RNF103: variants seen among roughly 807,000 people sequenced by gnomAD.
The protein encoded by RNF103 is E3 ubiquitin-protein ligase RNF103.
RNF103 carries 23 observed loss-of-function variants against 66.2 expected under a neutral mutation model. The ratio of observed to expected loss-of-function variants is 0.35; its 90% CI spans 0.25 to 0.49. The LOEUF (loss-of-function observed/expected upper bound fraction) is 0.49. Among genes scored for constraint, RNF103 ranks in the 20% least tolerant of loss-of-function variants. The pLI is 0.98. For synonymous variants in RNF103, 297 were observed against 289.9 expected (o/e 1.02, Z -0.25); for missense variants, 730 against 814.7 (o/e 0.90, Z 1.27).
Position 86,622,866 on chromosome 2 carries a change from G to C in RNF103, c.21C>G (p.Phe7Leu), listed in dbSNP as rs1414848941. 6.2e-7 allele frequency: 1 copy of C among 1,609,514 alleles called. No homozygotes were observed. Among genetic ancestry groups the C allele is most frequent in the Non-Finnish European group, 8.5e-7 (1 of 1,178,028 alleles). Residue 7 changes from phenylalanine to leucine, a missense_variant, in exon 1 of 4, where the codon TTC becomes TTG. Phe to Leu is a conservative substitution (Grantham distance 22). This residue lies in a region of RNF103 where 327 missense variants were observed against 369.8 expected (regional missense o/e 0.88). Coordinates refer to ENST00000237455, the MANE Select transcript of RNF103 (RefSeq NM_005667.4). Reference sequence around the variant, plus strand: ...ACAGGACCAGGAAATAGAGGAGCAAGAAAAAAAGCTTCAGCCACATCTTCC... The same window carrying C: ...ACAGGACCAGGAAATAGAGGAGCAACAAAAAAAGCTTCAGCCACATCTTCC... The part of the protein sequence containing the change: MWLKLF[F>L]LLLYFLVLFV...
intron 2 of RNF103, chr2:86,616,452 T>C (rs1317995015): frequency 2.1e-6 from 2 of 934,580 alleles, no homozygotes; most frequent in Admixed American, 1.2e-4. Context: ...TTTTTTTGTA[T>C]TCTTACATAG....
chr2:86,623,784 AC>A lies in RNF103; in HGVS notation c.-899del. The A allele has an allele frequency of 1.6e-6, 2 of 1,279,338 alleles. No individual in the cohort carries two copies. The highest frequency in any genetic ancestry group is 2.0e-6 in the Non-Finnish European group (2 of 985,398). 79.2% of individuals were successfully genotyped at this position (1,279,338 alleles called of 1,614,324 possible). A position where few individuals can be genotyped will look rare whatever the true frequency, so the allele number is the denominator to read the frequency against. ...GCCGGTCGCAGCACCCGTCCCCAAC[AC>A]CCCCGCCACCTCCGGAGACCGCGGC... On this transcript the variant is annotated 5_prime_UTR_variant, in exon 1 of 4. The change creates a premature stop within an existing upstream ORF in the 5' untranslated region. Transcript: ENST00000237455.
chr2:86,620,252 C>T, intron 2 of RNF103, 78 bp downstream of exon 2: 14 of 1,414,822 alleles, frequency 9.9e-6, no homozygotes, highest in Non-Finnish European at 1.2e-5. Flanking sequence ...GGAAGTGTCA[C>T]TGGCTGGTAC....
Position 86,620,446 on chromosome 2 carries a change from AG to A in RNF103, c.249del (p.Tyr84IlefsTer41). On this transcript the variant is annotated frameshift_variant, in exon 2 of 4. Transcript: ENST00000237455. LOFTEE classifies it high-confidence loss of function. The part of the protein sequence containing the change: ...EKSGDLMEGE[L>X]YSALKEEEAS... ...GCTTCTTCTTCCTTGAGAGCAGAAT[AG>A]AGCTCACCCTCCATCAAGTCACCTG... is the stretch of plus-strand genomic sequence containing the variant. 6.3e-7 allele frequency: 1 copy of A among 1,596,772 alleles called. No homozygotes were observed. Among genetic ancestry groups the A allele is most frequent in the Non-Finnish European group, 8.6e-7 (1 of 1,167,768 alleles).
At chr2:86,613,213 T>C (rs572411104) in intron 2 of RNF103, 97 of 152,336 alleles carry the variant, frequency 6.4e-4, no homozygotes, top group African/African-American at 2.3e-3. Context: ...TGAGTAGAGG[T>C]TGCACCACTG....
At position 86,604,233 on chromosome 2, in the gene RNF103, A is replaced by C. The variant is rs2104195136; in HGVS notation, c.1668T>G (p.Asp556Glu). The C allele has an allele frequency of 6.2e-7, 1 of 1,614,146 alleles. No individual in the cohort carries two copies. The highest frequency in any genetic ancestry group is 8.5e-7 in the Non-Finnish European group (1 of 1,180,042). Reference sequence around the variant, plus strand: ...GAGAATTGTGAAGTACGCTTTGCTTATCTTCAAATACTTCCTTCTCACTAC... The same window carrying C: ...GAGAATTGTGAAGTACGCTTTGCTTCTCTTCAAATACTTCCTTCTCACTAC... ...TLSSEKEVFE[D>E]KQSVLHNSPG... The change falls in exon 4 of 4, where the codon GAT becomes GAG. Residue 556 changes from aspartate (D) to glutamate (E), a missense_variant. By Grantham distance (45) the Asp-to-Glu change is conservative (BLOSUM62 2). Around this residue, in one of 3 missense-constraint regions of RNF103, gnomAD observed 355 missense variants for 351.9 expected, o/e 1.01. Coordinates refer to ENST00000237455, the MANE Select transcript of RNF103 (RefSeq NM_005667.4).
At position 86,612,212 on chromosome 2, in the gene RNF103, C is replaced by T; in HGVS notation, c.429G>A (p.Lys143=). The change falls in exon 3 of 4, where the codon AAG becomes AAA. Residue 143 remains lysine, a synonymous_variant. Coordinates refer to ENST00000237455, the MANE Select transcript of RNF103 (RefSeq NM_005667.4). Reference sequence around the variant, plus strand: ...CTGTACGTATTCCAAATCTTGACACCTTTTTAACCATTTTCTCCCAGTGAA... The same window carrying T: ...CTGTACGTATTCCAAATCTTGACACTTTTTTAACCATTTTCTCCCAGTGAA... ...GKIHWEKMVK[K]VSRFGIRTGT... 1 of 1,613,744 alleles carries T rather than the reference C, an allele frequency of 6.2e-7. No homozygotes were observed.
Position 86,604,311 on chromosome 2 carries a change from C to T in RNF103, c.1590G>A (p.Glu530=). Residue 530 remains glutamate, a synonymous_variant, in exon 4 of 4, where the codon GAG becomes GAA. Coordinates refer to ENST00000237455, the MANE Select transcript of RNF103 (RefSeq NM_005667.4). ...LGVQSEEEMS[E]GSQDTENDSE... ...AGTCATTTTCAGTATCTTGAGACCC[C>T]TCCGACATTTCCTCTTCAGACTGGA... 1 of 1,614,204 alleles carries T rather than the reference C, an allele frequency of 6.2e-7. No individual in the cohort carries two copies. The highest frequency in any genetic ancestry group is 8.5e-7 in the Non-Finnish European group (1 of 1,180,038).
Position 86,612,169 on chromosome 2 carries a change from T to C in RNF103, c.472A>G (p.Ser158Gly), listed in dbSNP as rs759273431. 1 of 1,608,308 alleles carries C rather than the reference T, an allele frequency of 6.2e-7. No individual in the cohort carries two copies. Among genetic ancestry groups the C allele is most frequent in the South Asian group, 1.1e-5 (1 of 89,534 alleles). ...GCCTAATCAACTTACCTGGGATCAC[T>C]GGAACAGTTAAATGTGCCTGTACGT... The part of the protein sequence containing the change: ...GIRTGTFNCS[S>G]DPRYCRRRGW... The change falls in exon 3 of 4, where the codon AGT becomes GGT. Residue 158 changes from serine (S) to glycine (G), a missense_variant. Ser to Gly is a moderately conservative substitution (Grantham distance 56). Around this residue, in one of 3 missense-constraint regions of RNF103, gnomAD observed 327 missense variants for 369.8 expected, o/e 0.88. Transcript: ENST00000237455.
chr2:86,618,587 T>C (rs1030005956), intron 2 of RNF103: 1 of 152,272 alleles, frequency 6.6e-6, no homozygotes, highest in Non-Finnish European at 1.5e-5. Flanking sequence ...GGCAGCAGCC[T>C]ATATAGCAAA....
chr2:86,605,392 C>T lies in RNF103; in HGVS notation c.509G>A (p.Arg170Gln), dbSNP rs1236096430. ...TGGAACAGACATAATGAGTGTGGAT[C>T]GGACCCAGCCTCTTCTCCTGCAATA... is the stretch of plus-strand genomic sequence containing the variant. ...PRYCRRRGWV[R>Q]STLIMSVPQT... Residue 170 changes from arginine to glutamine, a missense_variant, in exon 4 of 4, where the codon CGA (arginine) becomes CAA (glutamine). Around this residue, in one of 3 missense-constraint regions of RNF103, gnomAD observed 327 missense variants for 369.8 expected, o/e 0.88. Coordinates refer to ENST00000237455, the MANE Select transcript of RNF103 (RefSeq NM_005667.4). 14 of 1,610,832 alleles carry T rather than the reference C, an allele frequency of 8.7e-6. No homozygotes were observed. The highest frequency in any genetic ancestry group is 4.5e-5 in the East Asian group (2 of 44,858).
chr2:86,623,376 G>A lies in RNF103; in HGVS notation c.-490C>T. 3.1e-6 allele frequency: 3 copies of A among 980,486 alleles called. No individual in the cohort carries two copies. Among genetic ancestry groups the A allele is most frequent in the Non-Finnish European group, 3.6e-6 (3 of 826,630 alleles). 60.7% of individuals were successfully genotyped at this position (980,486 alleles called of 1,614,324 possible). A position where few individuals can be genotyped will look rare whatever the true frequency, so the allele number is the denominator to read the frequency against. ...CAGGCCGGGGCCCGAGGGGCCGTGG[G>A]GGCCGGACTCCCGCGGCCGCGGGTC... On this transcript the variant is annotated 5_prime_UTR_variant, in exon 1 of 4. Transcript: ENST00000237455.
chr2:86,621,082 G>A (rs1039997702), intron 1 of RNF103, among the ~76,000 whole-genome samples: 2 of 152,116 alleles, frequency 1.3e-5, no homozygotes, highest in East Asian at 1.9e-4. Context: ...TTTAACTTTC[G>A]CCTTAAATAT....
chr2:86,617,124 C>T lies in RNF103; in HGVS notation c.366+3206G>A, dbSNP rs987674298. ...CATAGTGTGTCATTGGTAAAGATGT[C>T]ATATGTATGTTGCTACCTTGAAAAC... is the stretch of plus-strand genomic sequence containing the variant. On this transcript the variant is annotated intron_variant, in intron 2 of 3. Coordinates refer to ENST00000237455, the MANE Select transcript of RNF103 (RefSeq NM_005667.4). 10 of 984,936 alleles carry T rather than the reference C, an allele frequency of 1.0e-5. No individual in the cohort carries two copies. In the East Asian group the frequency reaches 3.4e-4, roughly 33 times the overall value. 61.0% of individuals were successfully genotyped at this position (984,936 alleles called of 1,614,324 possible). A position where few individuals can be genotyped will look rare whatever the true frequency, so the allele number is the denominator to read the frequency against.
rs887562546 is a variant in RNF103, at chr2:86,622,689, C to G, written c.198G>C (p.Lys66Asn). 9.9e-6 allele frequency: 16 copies of G among 1,614,028 alleles called. No individual in the cohort carries two copies. The Admixed American group carries it at 1.7e-4, about 17-fold the overall frequency. ...GLGYSGLPEK[K>N]DVRELVEKSG... ...ACTTTTCCACCAGCTCCCGGACATC[C>G]TTCTTCTCGGGCAACCCTGAGTAGC... The change falls in exon 1 of 4, where the codon AAG becomes AAC. Residue 66 changes from lysine (K) to asparagine (N), a missense_variant. Transcript: ENST00000237455.
chr2:86,622,716 C>G lies in RNF103; in HGVS notation c.171G>C (p.Leu57Phe). Residue 57 changes from leucine (L) to phenylalanine (F), a missense_variant, in exon 1 of 4, where the codon TTG becomes TTC. By Grantham distance (22) the Leu-to-Phe change is conservative. Coordinates refer to ENST00000237455, the MANE Select transcript of RNF103 (RefSeq NM_005667.4). ...TCTTCTCGGGCAACCCTGAGTAGCC[C>G]AACCCCCGGCACTCCAAAATGGTCT... is the stretch of plus-strand genomic sequence containing the variant. ...KLKTILECRG[L>F]GYSGLPEKKD... 6.2e-7 allele frequency: 1 copy of G among 1,614,146 alleles called. No homozygotes were observed. The highest frequency in any genetic ancestry group is 8.5e-7 in the Non-Finnish European group (1 of 1,180,002).
chr2:86,620,971 T>C (rs1412432389), intron 1 of RNF103, among the ~76,000 whole-genome samples: 1 of 152,174 alleles, frequency 6.6e-6, no homozygotes, highest in East Asian at 1.9e-4. Context: ...ACTTTACCTG[T>C]TAGACAGAAC....
intron 3 of RNF103, among the ~76,000 whole-genome samples, chr2:86,608,379 T>TG (rs1403986970): frequency 1.4e-5 from 2 of 146,928 alleles, no homozygotes; most frequent in Non-Finnish European, 3.0e-5. Flanking sequence ...CCCAGCTACT[T>TG]GGGGGGCTGA....
chr2:86,615,190 C>A, intron 2 of RNF103: 3 of 985,282 alleles, frequency 3.0e-6, no homozygotes, highest in Non-Finnish European at 3.6e-6. Context: ...AATGCCAGGG[C>A]CTTATTTATT....
Sources: gnomAD v4.1 joint callset for allele counts (sites outside exome capture counted in the v4.1 genomes callset) on GRCh38, gnomAD v4.1.1 for gene constraint, gnomAD v4.1.1 regional missense constraint, MANE v1.5 for transcripts, NCBI Gene and HGNC (gene_info 2026-07-23, HGNC 2026-07-21) for gene names.